The following KRT222 variants were observed in gnomAD, a reference collection of about 807,000 sequenced individuals.
KRT222 encodes the protein keratin-like protein KRT222.
KRT222 carries 23 observed loss-of-function variants against 35.0 expected under a neutral mutation model. The observed-to-expected ratio is 0.66, with a 90% CI of 0.47 to 0.93. KRT222 has a LOEUF of 0.93. KRT222 is among the 40% of genes least tolerant of loss of function. KRT222 has a pLI of 0.00. For synonymous variants in KRT222, 108 were observed against 118.8 expected, an observed-to-expected ratio of 0.91 and a Z score of 0.59; for missense variants, 339 against 346.3, an observed-to-expected ratio of 0.98 and a Z score of 0.17.
At position 40,660,154 on chromosome 17, in the gene KRT222, C is replaced by T; in HGVS notation, c.279G>A (p.Gln93=). 5.6e-6 allele frequency: 9 copies of T among 1,614,158 alleles called. No homozygotes were observed. Among genetic ancestry groups the T allele is most frequent in the Non-Finnish European group, 7.6e-6 (9 of 1,180,022 alleles). The change falls in exon 3 of 6, where the codon CAG becomes CAA. Residue 93 remains glutamine, a synonymous_variant. Transcript: ENST00000394052. The part of the protein sequence containing the change: ...LHASEQHYQM[Q]LQDLETVIEG... ...CAATCACAGTCTCTAGGTCTTGCAG[C>T]TGCATCTGGTAATGCTGCTCGCTGG...
rs375323087 is a variant in KRT222 at position 40,656,423 on chromosome 17, T to C, written c.867A>G (p.Lys289=). 5.1e-5 allele frequency: 83 copies of C among 1,613,262 alleles called. No individual in the cohort carries two copies. The highest frequency in any genetic ancestry group is 1.5e-5 in the Non-Finnish European group (18 of 1,179,440). Residue 289 remains lysine (K), a synonymous_variant, in exon 6 of 6, where the codon AAA becomes AAG. Transcript: ENST00000394052. The stretch of plus-strand genomic sequence containing the variant: ...TGGATTAATTAGCTGTTGATGGAGG[T>C]TTGATAGAGGGAATACTGCATGATC... ...MRRSCSIPSI[K]PPSTAN
Position 40,664,998 on chromosome 17 carries a change from C to G in KRT222, c.96+6G>C, listed in dbSNP as rs370040062. Reference sequence around the variant, plus strand: ...TGGAAGGTGCCTGTCTGTATGAAATCATTACCTGGATCCTTGTTGAGAGCA... The same window carrying G: ...TGGAAGGTGCCTGTCTGTATGAAATGATTACCTGGATCCTTGTTGAGAGCA... On this transcript the variant is annotated splice_donor_region_variant and intron_variant, in intron 1 of 5. Coordinates refer to ENST00000394052, the MANE Select transcript of KRT222 (RefSeq NM_152349.3). 3.3e-4 allele frequency: 532 copies of G among 1,613,974 alleles called. 2 individuals are homozygous for G. The Middle Eastern group carries it at 5.6e-3, about 17-fold the overall frequency.
chr17:40,657,210 CAAAA>C (rs34128971), intron 5 of KRT222, 138 bp downstream of exon 5: 22 of 378,644 alleles, frequency 5.8e-5, no homozygotes, highest in South Asian at 1.3e-4. Context: ...GACTCAATCT[CAAAA>C]AAAAAAAAAA....
At chr17:40,657,082 C>T (rs962301806) in intron 5 of KRT222, 12 of 214,536 alleles carry the variant, frequency 5.6e-5, no homozygotes, top group East Asian at 2.3e-4. Context: ...TGTGGTGGCG[C>T]GCACCTGTAG....
intron 2 of KRT222, among the ~76,000 whole-genome samples, chr17:40,661,399 T>C (rs2037383194): frequency 6.6e-6 from 1 of 152,044 alleles, no homozygotes; most frequent in Non-Finnish European, 1.5e-5. Context: ...CCTAAGTTGC[T>C]GGGACAACAG....
intron 5 of KRT222, 83 bp downstream of exon 5, chr17:40,657,269 G>T: frequency 4.4e-5 from 36 of 823,022 alleles, no homozygotes; most frequent in Non-Finnish European, 5.3e-5. Context: ...TTTAAACAAA[G>T]AAGAGTAATT....
chr17:40,665,154 T>A lies in KRT222; in HGVS notation c.-55A>T. 6.6e-7 allele frequency: 1 copy of A among 1,523,324 alleles called. No individual in the cohort carries two copies. The highest frequency in any genetic ancestry group is 9.1e-7 in the Non-Finnish European group (1 of 1,100,572). 94.4% of individuals were successfully genotyped at this position (1,523,324 alleles called of 1,614,324 possible). Reference sequence around the variant, plus strand: ...GAACCTTATCGATAGGATGAGTCGCTGCGGCAGTCTGCTCGGTCTGCGCGG... The same window carrying A: ...GAACCTTATCGATAGGATGAGTCGCAGCGGCAGTCTGCTCGGTCTGCGCGG... On this transcript the variant is annotated 5_prime_UTR_variant, in exon 1 of 6. Coordinates refer to ENST00000394052, the MANE Select transcript of KRT222 (RefSeq NM_152349.3).
Position 40,657,722 on chromosome 17 carries a change from T to C in KRT222, c.475A>G (p.Lys159Glu), listed in dbSNP as rs764938258. 1.2e-6 allele frequency: 2 copies of C among 1,612,812 alleles called. No homozygotes were observed. The highest frequency in any genetic ancestry group is 2.2e-5 in the East Asian group (1 of 44,744). The change falls in exon 4 of 6, where the codon AAA (lysine) becomes GAA (glutamate). Residue 159 changes from lysine (K) to glutamate (E), a missense_variant. Transcript: ENST00000394052. ...CTACTTGTGGTAGGCTTTTTGTCTT[T>C]TTTCCCACCTTGGATACAACCATAA... is the stretch of plus-strand genomic sequence containing the variant. ...RYYGCIQGGK[K>E]DKKPTTSRVG... is the part of the protein sequence containing the mutation.
In KRT222 at chr17:40,657,177, A is replaced by C. The variant is rs909599092; in HGVS notation, c.659+175T>G. On this transcript the variant is annotated intron_variant, in intron 5 of 5. Transcript: ENST00000394052. Reference sequence around the variant, plus strand: ...CAGTGAGCCAAGATCGCGCCACTGCACTCCACCCTGGCGACAGAGCAAGAC... The same window carrying C: ...CAGTGAGCCAAGATCGCGCCACTGCCCTCCACCCTGGCGACAGAGCAAGAC... 3.3e-5 allele frequency: 13 copies of C among 390,544 alleles called. No individual in the cohort carries two copies. In the East Asian group the frequency reaches 5.3e-4, roughly 16 times the overall value. The allele number at this position is 390,544 out of a possible 1,614,324, so 24.2% of individuals were successfully genotyped here.
rs1431484701 is a variant in KRT222 at position 40,665,175 on chromosome 17, C to A, written c.-76G>T. ...TCGCTGCGGCAGTCTGCTCGGTCTG[C>A]GCGGAAGGCAGGGAGCCTCGCAGAG... On this transcript the variant is annotated 5_prime_UTR_variant, in exon 1 of 6. Coordinates refer to ENST00000394052, the MANE Select transcript of KRT222 (RefSeq NM_152349.3). 2.2e-6 allele frequency: 3 copies of A among 1,382,788 alleles called. No homozygotes were observed. Among genetic ancestry groups the A allele is most frequent in the Non-Finnish European group, 3.1e-6 (3 of 976,438 alleles). 85.7% of individuals were successfully genotyped at this position (1,382,788 alleles called of 1,614,324 possible). A position where few individuals can be genotyped will look rare whatever the true frequency, so the allele number is the denominator to read the frequency against.
At chr17:40,659,892 G>A in intron 3 of KRT222, 95 bp downstream of exon 3, 1 of 974,994 alleles carries the variant, frequency 1.0e-6, no homozygotes, top group Non-Finnish European at 1.6e-6. Context: ...GATGATGATG[G>A]GGTTTTTGGA....
Sources: allele counts gnomAD v4.1 joint callset (sites outside exome capture counted in the v4.1 genomes callset), GRCh38; gene constraint gnomAD v4.1.1; transcripts MANE v1.5; gene names NCBI Gene and HGNC (gene_info 2026-07-23, HGNC 2026-07-21).